Variants in KCNH7 observed in about 807,000 individuals in gnomAD.
KCNH7 encodes voltage-gated inwardly rectifying potassium channel KCNH7.
Under a neutral mutation model 120.8 loss-of-function variants are expected in KCNH7, and 49 were observed. The ratio of observed to expected loss-of-function variants is 0.41; its 90% CI spans 0.32 to 0.51. KCNH7 has a LOEUF of 0.51. Ranked by LOEUF, KCNH7 falls within the 20% of genes least tolerant of loss-of-function variation. The pLI is 0.38. For missense variants in KCNH7, 1,097 were observed against 1,446.6 expected (o/e 0.76, Z 3.92); for synonymous variants, 547 against 516.1 (o/e 1.06, Z -0.81).
Position 162,504,675 on chromosome 2 carries a change from AT to A in KCNH7, c.914-19del. 6.7e-7 allele frequency: 1 copy of A among 1,493,158 alleles called. No homozygotes were observed. The highest frequency in any genetic ancestry group is 1.1e-5 in the South Asian group (1 of 88,332). The allele number at this position is 1,493,158 out of a possible 1,614,324, so 92.5% of individuals were successfully genotyped here. On this transcript the variant is annotated intron_variant, in intron 5 of 15. Coordinates refer to ENST00000332142, the MANE Select transcript of KCNH7 (RefSeq NM_033272.4). Reference sequence around the variant, plus strand: ...AAAAGGCCCTAAAAAAATGGAAAGTATTTGTAAGAGTAATATAAGAAGATAT... The same window carrying A: ...AAAAGGCCCTAAAAAAATGGAAAGTATTGTAAGAGTAATATAAGAAGATAT...
intron 2 of KCNH7, among the ~76,000 whole-genome samples, chr2:162,821,638 C>T (rs1196208031): frequency 1.3e-5 from 2 of 152,070 alleles, no homozygotes; most frequent in Non-Finnish European, 2.9e-5. Context: ...TTTTCCTATC[C>T]CCTTGGTACA....
intron 2 of KCNH7, among the ~76,000 whole-genome samples, chr2:162,720,979 A>G (rs1687305090): frequency 6.6e-6 from 1 of 152,140 alleles, no homozygotes; most frequent in Non-Finnish European, 1.5e-5. Context: ...TATCTACAAA[A>G]CAATAAATCA....
intron 8 of KCNH7, 105 bp downstream of exon 8, chr2:162,435,093 C>T: frequency 9.2e-7 from 1 of 1,088,256 alleles, no homozygotes; most frequent in Non-Finnish European, 1.3e-6. Flanking sequence ...ATTATCTCCT[C>T]AATTTTCTGT....
intron 7 of KCNH7, among the ~76,000 whole-genome samples, chr2:162,436,353 AGT>A (rs1688238400): frequency 1.3e-5 from 2 of 152,124 alleles, no homozygotes; most frequent in African/African-American, 4.8e-5. Flanking sequence ...TTTATTCCTA[AGT>A]GTGCTAAATT....
At chr2:162,541,849 TA>T (rs1692314795) in intron 2 of KCNH7, among the ~76,000 whole-genome samples, 2 of 151,934 alleles carry the variant, frequency 1.3e-5, no homozygotes, top group South Asian at 2.1e-4. Flanking sequence ...GAACTTAAAA[TA>T]AAAATTGAAG....
chr2:162,600,698 A>C (rs1479151120), intron 2 of KCNH7, among the ~76,000 whole-genome samples: 1 of 152,138 alleles, frequency 6.6e-6, no homozygotes, highest in African/African-American at 2.4e-5. Context: ...TGTTGCATGA[A>C]TTAACACTTC....
intron 2 of KCNH7, among the ~76,000 whole-genome samples, chr2:162,735,759 T>A (rs1184482232): frequency 6.6e-6 from 1 of 152,204 alleles, no homozygotes; most frequent in African/African-American, 2.4e-5. Context: ...ATACCTCTTA[T>A]CCTTCACTCG....
At chr2:162,699,970 A>G (rs1686434062) in intron 2 of KCNH7, among the ~76,000 whole-genome samples, 1 of 152,158 alleles carries the variant, frequency 6.6e-6, no homozygotes, top group Admixed American at 6.6e-5. Flanking sequence ...AAAGAGAAAA[A>G]TTACTTTTTT....
chr2:162,537,640 T>C lies in KCNH7; in HGVS notation c.308-560A>G, dbSNP rs372035093. 4.7e-4 allele frequency among the ~76,000 whole-genome samples: 71 copies of C among 152,240 alleles called. 2 individuals are homozygous for C. Among genetic ancestry groups the C allele is most frequent in the South Asian group, 3.9e-3 (19 of 4,828 alleles). On this transcript the variant is annotated intron_variant, in intron 2 of 15. Transcript: ENST00000332142. ...AACGTCCAAATTACAATGGTTTTGT[T>C]TGGTTTTTATTCTGTTAGAAAATAA...
At chr2:162,752,558 G>A (rs951732168) in intron 2 of KCNH7, among the ~76,000 whole-genome samples, 3 of 151,910 alleles carry the variant, frequency 2.0e-5, no homozygotes, top group African/African-American at 7.3e-5. Context: ...TGGCTTGAAA[G>A]CCTTCACCAG....
rs1453525148 is a variant in KCNH7 at position 162,502,352 on chromosome 2, A to T, written c.1128+2091T>A. 3.3e-5 allele frequency: 5 copies of T among 152,200 alleles called. 1 individual carries two copies. The highest frequency in any genetic ancestry group is 3.3e-4 in the Admixed American group (5 of 15,272). The allele number at this position is 152,200 out of a possible 1,614,324, so 9.4% of individuals were successfully genotyped here. Reference sequence around the variant, plus strand: ...TAGAAGAATATTAATAAACATAATAATGACATGACATTGCTTGTTATGGTA... The same window carrying T: ...TAGAAGAATATTAATAAACATAATATTGACATGACATTGCTTGTTATGGTA... On this transcript the variant is annotated intron_variant, in intron 6 of 15. Coordinates refer to ENST00000332142, the MANE Select transcript of KCNH7 (RefSeq NM_033272.4).
intron 2 of KCNH7, among the ~76,000 whole-genome samples, chr2:162,804,151 T>C (rs1684447888): frequency 1.3e-5 from 2 of 151,856 alleles, no homozygotes; most frequent in Non-Finnish European, 2.9e-5. Context: ...ATAAAATCAT[T>C]CTAAGCATTC....
intron 1 of KCNH7, among the ~76,000 whole-genome samples, chr2:162,837,668 C>A (rs1422123085): frequency 6.6e-6 from 1 of 152,040 alleles, no homozygotes; most frequent in Non-Finnish European, 1.5e-5. Context: ...TTAACAAATA[C>A]AGGATTTTAA....
chr2:162,674,889 C>G (rs1242548407), intron 2 of KCNH7, among the ~76,000 whole-genome samples: 1 of 151,386 alleles, frequency 6.6e-6, no homozygotes, highest in African/African-American at 2.4e-5. Flanking sequence ...TATGACCTTG[C>G]AATAAGGAAA....
intron 2 of KCNH7, among the ~76,000 whole-genome samples, chr2:162,669,473 T>A (rs1685260772): frequency 6.6e-6 from 1 of 152,178 alleles, no homozygotes; most frequent in Non-Finnish European, 1.5e-5. Context: ...GAATTATAAA[T>A]CTAGGAGGTG....
intron 2 of KCNH7, among the ~76,000 whole-genome samples, chr2:162,722,821 T>C (rs554738172): frequency 4.1e-5 from 6 of 146,150 alleles, no homozygotes; most frequent in Admixed American, 3.4e-4. Context: ...TTCTTTTTTT[T>C]TTTTTTTTTT....
intron 2 of KCNH7, among the ~76,000 whole-genome samples, chr2:162,746,813 A>C (rs1287031465): frequency 6.6e-6 from 1 of 152,162 alleles, no homozygotes; most frequent in African/African-American, 2.4e-5. Flanking sequence ...CAGCATTGTA[A>C]AAATTAAAAC....
chr2:162,548,756 A>G (rs1483585361), intron 2 of KCNH7, among the ~76,000 whole-genome samples: 1 of 152,194 alleles, frequency 6.6e-6, no homozygotes, highest in Non-Finnish European at 1.5e-5. Context: ...CTGCTCTGAC[A>G]CCTTAATTTC....
intron 2 of KCNH7, among the ~76,000 whole-genome samples, chr2:162,742,432 T>C (rs1688170618): frequency 6.6e-6 from 1 of 152,202 alleles, no homozygotes; most frequent in Non-Finnish European, 1.5e-5. Flanking sequence ...TTGAATCTAC[T>C]GTTGATATAA....
Sources: allele counts gnomAD v4.1 joint callset (sites outside exome capture counted in the v4.1 genomes callset), GRCh38; gene constraint gnomAD v4.1.1; transcripts MANE v1.5; gene names NCBI Gene and HGNC (gene_info 2026-07-23, HGNC 2026-07-21).